The following MYO5B variants were observed in gnomAD, a reference collection of about 807,000 sequenced individuals.
MYO5B encodes the protein myosin VB.
A neutral mutation model predicts 229.3 loss-of-function variants in MYO5B; 143 were observed. The observed-to-expected ratio is 0.62, with a 90% CI of 0.54 to 0.72. The LOEUF (loss-of-function observed/expected upper bound fraction) is 0.72, where lower values mean the gene tolerates loss of function less well. Among genes scored for constraint, MYO5B ranks in the 30% least tolerant of loss-of-function variants. MYO5B has a pLI of 0.00. For missense variants in MYO5B, 2,321 were observed against 2,331.0 expected (o/e 1.00, Z 0.09); for synonymous variants, 918 against 885.2 (o/e 1.04, Z -0.66).
rs1598833939 is a variant in MYO5B at position 49,853,653 on chromosome 18, C to A, written c.4023-6G>T. ...GCAGCTGAGCCTCCAGCAGCCTGTG[C>A]CAGGGAGAGGACAGGTGAGCACGTG... On this transcript the variant is annotated splice_region_variant and splice_polypyrimidine_tract_variant and intron_variant, in intron 30 of 39. Transcript: ENST00000285039. 4.3e-6 allele frequency: 7 copies of A among 1,611,134 alleles called. No homozygotes were observed. In the East Asian group the frequency reaches 1.6e-4, roughly 36 times the overall value.
rs868485133 is a variant in MYO5B, at chr18:49,917,555, T to C, written c.2091-5382A>G. 5.3e-5 allele frequency among the ~76,000 whole-genome samples: 8 copies of C among 152,282 alleles called. No homozygotes were observed. The South Asian group carries it at 1.7e-3, about 32-fold the overall frequency. On this transcript the variant is annotated intron_variant, in intron 17 of 39. Transcript: ENST00000285039. ...CATCACCTCCACAGCACGACCCCCA[T>C]CCTCATTAGATGGCCATCGAGACGC...
chr18:49,856,327 C>T (rs1393707376), intron 30 of MYO5B, among the ~76,000 whole-genome samples: 2 of 152,176 alleles, frequency 1.3e-5, no homozygotes, highest in African/African-American at 2.4e-5. Flanking sequence ...GAGATCAGGA[C>T]CAGCACACAT....
At position 50,096,725 on chromosome 18, in the gene MYO5B, T is replaced by TA. The variant is rs377404171; in HGVS notation, c.28-41348dup. 5.6e-3 allele frequency among the ~76,000 whole-genome samples: 851 copies of TA among 152,306 alleles called. 8 individuals are homozygous for TA. The highest frequency in any genetic ancestry group is 0.02 in the African/African-American group (813 of 41,568). The stretch of plus-strand genomic sequence containing the variant: ...CTACTTTGTTCACAATACATACTCT[T>TA]AAAAAATCATCATCACCGTCATCAT... On this transcript the variant is annotated intron_variant, in intron 1 of 39. Coordinates refer to ENST00000285039, the MANE Select transcript of MYO5B (RefSeq NM_001080467.3).
chr18:49,931,831 C>T (rs534718152), intron 16 of MYO5B, among the ~76,000 whole-genome samples: 1 of 152,336 alleles, frequency 6.6e-6, no homozygotes, highest in South Asian at 2.1e-4. Flanking sequence ...GCGGACACCC[C>T]TGTGCTTTGG....
At chr18:49,876,287 A>G in intron 25 of MYO5B, 1 of 280,844 alleles carries the variant, frequency 3.6e-6, no homozygotes, top group Non-Finnish European at 6.9e-6. Flanking sequence ...TTGAAATGGA[A>G]TCAATGCTTG....
intron 10 of MYO5B, 32 bp from the exon 11 acceptor site, chr18:49,963,062 C>G (rs759836020): frequency 6.4e-7 from 1 of 1,571,044 alleles, no homozygotes; most frequent in Non-Finnish European, 8.8e-7. Context: ...TAAGAGACGT[C>G]TCCTTTCAAC....
At chr18:49,875,037 CTT>C (rs2024501531) in intron 26 of MYO5B, among the ~76,000 whole-genome samples, 1 of 152,216 alleles carries the variant, frequency 6.6e-6, no homozygotes, top group Non-Finnish European at 1.5e-5. Context: ...GGGAATTTCT[CTT>C]ATATTGTTAT....
chr18:50,085,894 A>T (rs1323474250), intron 1 of MYO5B, among the ~76,000 whole-genome samples: 1 of 151,824 alleles, frequency 6.6e-6, no homozygotes, highest in African/African-American at 2.4e-5. Context: ...GAAGGGGAAC[A>T]TCACACTCTG....
In MYO5B at chr18:49,902,676, G is replaced by T; in HGVS notation, c.2729C>A (p.Ala910Asp). The T allele has an allele frequency of 6.2e-7, 1 of 1,613,042 alleles. No homozygotes were observed. The highest frequency in any genetic ancestry group is 8.5e-7 in the Non-Finnish European group (1 of 1,180,036). Reference sequence around the variant, plus strand: ...ACGTTTCAGATGCTCTGCTGAGCGGGCCTCAATCCTGAGGGCCTTCAGCTC... The same window carrying T: ...ACGTTTCAGATGCTCTGCTGAGCGGTCCTCAATCCTGAGGGCCTTCAGCTC... Reference protein sequence around the residue: ...RRELKALRIEARSAEHLKRLN... With the variant: ...RRELKALRIEDRSAEHLKRLN... Residue 910 changes from alanine (A) to aspartate (D), a missense_variant, in exon 21 of 40, where the codon GCC (alanine) becomes GAC (aspartate). Ala to Asp is a moderately radical substitution (Grantham distance 126, BLOSUM62 -2). Transcript: ENST00000285039.
rs1355874357 is a variant in MYO5B at position 49,875,696 on chromosome 18, C to G, written c.3528G>C (p.Lys1176Asn). The G allele has an allele frequency of 6.2e-7, 1 of 1,614,128 alleles. No individual in the cohort carries two copies. Among genetic ancestry groups the G allele is most frequent in the Non-Finnish European group, 8.5e-7 (1 of 1,179,974 alleles). ...QLEKREQQDS[K>N]KVQAEPPQTD... Reference sequence around the variant, plus strand: ...CAGCCCCTTCACGTACCTGGACTTTCTTGCTGTCCTGCTGTTCTCTCTTCT... The same window carrying G: ...CAGCCCCTTCACGTACCTGGACTTTGTTGCTGTCCTGCTGTTCTCTCTTCT... Residue 1176 changes from lysine (K) to asparagine (N), a missense_variant, in exon 26 of 40, where the codon AAG becomes AAC. Coordinates refer to ENST00000285039, the MANE Select transcript of MYO5B (RefSeq NM_001080467.3).
At chr18:50,143,783 C>T (rs1353992262) in intron 1 of MYO5B, among the ~76,000 whole-genome samples, 2 of 152,138 alleles carry the variant, frequency 1.3e-5, no homozygotes, top group African/African-American at 2.4e-5. Context: ...CAGAACATGG[C>T]GTGCAACACA....
chr18:49,838,109 T>C (rs1210156315), intron 36 of MYO5B, among the ~76,000 whole-genome samples: 4 of 152,228 alleles, frequency 2.6e-5, no homozygotes, highest in Non-Finnish European at 5.9e-5. Flanking sequence ...TTGAGCAACC[T>C]GGGTGTCATC....
At chr18:50,042,311 A>C (rs2030043115) in intron 2 of MYO5B, among the ~76,000 whole-genome samples, 1 of 152,232 alleles carries the variant, frequency 6.6e-6, no homozygotes, top group Admixed American at 6.5e-5. Flanking sequence ...TAAAAAAAAA[A>C]GTATCCTATA....
intron 1 of MYO5B, among the ~76,000 whole-genome samples, chr18:50,190,939 G>A (rs890548129): frequency 3.3e-5 from 5 of 152,210 alleles, no homozygotes; most frequent in African/African-American, 9.6e-5. Context: ...ATACATTGAT[G>A]TGTGTGTCTG....
intron 3 of MYO5B, among the ~76,000 whole-genome samples, chr18:50,038,256 G>A (rs139703117): frequency 3.3e-5 from 5 of 152,176 alleles, no homozygotes; most frequent in Non-Finnish European, 7.3e-5. Flanking sequence ...CAGTCACTTG[G>A]GAAGGAGAAG....
intron 17 of MYO5B, among the ~76,000 whole-genome samples, chr18:49,914,307 C>A (rs918025221): frequency 1.3e-5 from 2 of 152,124 alleles, no homozygotes; most frequent in Admixed American, 1.3e-4. Flanking sequence ...CAGCAGCAAA[C>A]AGAGAGCCAC....
At chr18:50,089,175 C>T (rs568021581) in intron 1 of MYO5B, among the ~76,000 whole-genome samples, 10 of 152,158 alleles carry the variant, frequency 6.6e-5, no homozygotes, top group South Asian at 2.1e-4. Context: ...GTCAGGAGTT[C>T]GAGACCAGCC....
At chr18:50,107,608 C>T (rs778669967) in intron 1 of MYO5B, among the ~76,000 whole-genome samples, 5 of 152,168 alleles carry the variant, frequency 3.3e-5, no homozygotes, top group Admixed American at 6.5e-5. Context: ...AGCCACACAG[C>T]CATTTCCTGC....
At chr18:49,886,719 T>A (rs1598857584) in intron 22 of MYO5B, among the ~76,000 whole-genome samples, 1 of 152,136 alleles carries the variant, frequency 6.6e-6, no homozygotes, top group Non-Finnish European at 1.5e-5. Flanking sequence ...GAGGCTAAAA[T>A]GTGACCTGGT....
Sources: allele counts gnomAD v4.1 joint callset (sites outside exome capture counted in the v4.1 genomes callset), GRCh38; gene constraint gnomAD v4.1.1; transcripts MANE v1.5; gene names NCBI Gene and HGNC (gene_info 2026-07-23, HGNC 2026-07-21).